Variants in MCU observed in about 807,000 individuals in gnomAD.
MCU encodes calcium uniporter protein, mitochondrial.
In MCU, 12 loss-of-function variants were observed where a neutral mutation model predicts 45.2. The observed-to-expected ratio is 0.27, with a 90% CI of 0.17 to 0.43. MCU has a LOEUF of 0.43. MCU is among the 20% of genes least tolerant of loss of function. The probability of loss-of-function intolerance (pLI) is 1.00; values close to 1 mark genes in which losing one functional copy is unlikely to be tolerated. For missense variants in MCU, 324 were observed against 436.7 expected (o/e 0.74, Z 2.30); for synonymous variants, 160 against 165.1 (o/e 0.97, Z 0.24).
chr10:72,725,251 G>A (rs1030399358), intron 1 of MCU, among the ~76,000 whole-genome samples: 7 of 151,964 alleles, frequency 4.6e-5, no homozygotes, highest in Non-Finnish European at 8.8e-5. Flanking sequence ...TCAGCCTCCC[G>A]AGAAGCTGGG....
chr10:72,804,776 G>T (rs77802671), intron 1 of MCU, among the ~76,000 whole-genome samples: 1 of 152,094 alleles, frequency 6.6e-6, no homozygotes, highest in Non-Finnish European at 1.5e-5. Flanking sequence ...CCACGTCTTA[G>T]CCGATAAATT....
intron 2 of MCU, among the ~76,000 whole-genome samples, chr10:72,854,101 G>A (rs1222818659): frequency 6.6e-6 from 1 of 152,164 alleles, no homozygotes; most frequent in Admixed American, 6.5e-5. Context: ...CTGCACTCCA[G>A]CCTGGGTGAC....
intron 1 of MCU, among the ~76,000 whole-genome samples, chr10:72,729,273 T>C (rs1564540354): frequency 6.6e-6 from 1 of 152,168 alleles, no homozygotes. Context: ...GAGACCAGCC[T>C]GACCAACAGG....
chr10:72,870,242 A>C (rs944053524), intron 5 of MCU, among the ~76,000 whole-genome samples: 7 of 152,152 alleles, frequency 4.6e-5, no homozygotes, highest in Non-Finnish European at 1.0e-4. Context: ...TAGAATATTT[A>C]CTGTGTTTCA....
At chr10:72,840,686 C>T (rs1460421876) in intron 2 of MCU, among the ~76,000 whole-genome samples, 1 of 152,170 alleles carries the variant, frequency 6.6e-6, no homozygotes, top group Non-Finnish European at 1.5e-5. Flanking sequence ...TTATAGGGCA[C>T]ACAGAGCCTA....
chr10:72,765,947 G>A (rs1235180915), intron 1 of MCU, among the ~76,000 whole-genome samples: 1 of 151,984 alleles, frequency 6.6e-6, no homozygotes, highest in Non-Finnish European at 1.5e-5. Context: ...ACTCACTGCA[G>A]CCTTGACCTC....
Position 72,717,322 on chromosome 10 carries a change from C to T in MCU, c.150+25021C>T, listed in dbSNP as rs565940795. Among the ~76,000 whole-genome samples, 6 of 151,690 alleles carry T rather than the reference C, an allele frequency of 4.0e-5. No homozygotes were observed. The East Asian group carries it at 7.8e-4, about 20-fold the overall frequency. On this transcript the variant is annotated intron_variant, in intron 1 of 7. Transcript: ENST00000373053. ...TCGCGCAGGCTGGAGTGCAGTGGCA[C>T]GATCTCGGCTCACTGCAACCTCTAC...
chr10:72,861,642 C>G (rs7899754), intron 4 of MCU: 1 of 377,782 alleles, frequency 2.6e-6, no homozygotes, highest in Admixed American at 3.4e-5. Flanking sequence ...CCACTATGCC[C>G]AGCCGCCAGG....
chr10:72,786,021 A>G (rs1844066505), intron 1 of MCU, among the ~76,000 whole-genome samples: 1 of 152,244 alleles, frequency 6.6e-6, no homozygotes. Context: ...TAGGGACTGA[A>G]CAAGCACTGT....
At chr10:72,880,488 G>A (rs1042100350) in intron 6 of MCU, among the ~76,000 whole-genome samples, 12 of 147,928 alleles carry the variant, frequency 8.1e-5, no homozygotes, top group Admixed American at 8.0e-4. Context: ...CGGGGGGGGG[G>A]AAACCCTAGA....
chr10:72,876,804 A>T (rs1845621474), intron 6 of MCU, among the ~76,000 whole-genome samples: 1 of 151,830 alleles, frequency 6.6e-6, no homozygotes, highest in Non-Finnish European at 1.5e-5. Context: ...CCTTCCTCCT[A>T]GTATCTTATT....
intron 1 of MCU, among the ~76,000 whole-genome samples, chr10:72,787,254 A>G (rs1383257673): frequency 6.6e-6 from 1 of 152,116 alleles, no homozygotes; most frequent in Non-Finnish European, 1.5e-5. Flanking sequence ...TGGTTATACA[A>G]GTTTCACTGA....
intron 1 of MCU, among the ~76,000 whole-genome samples, chr10:72,707,367 T>C (rs528011472): frequency 3.4e-4 from 51 of 151,720 alleles, no homozygotes; most frequent in African/African-American, 1.2e-3. Context: ...CCTGGCTAAT[T>C]TTTGCATTTT....
chr10:72,718,440 G>C (rs1842980012), intron 1 of MCU, among the ~76,000 whole-genome samples: 1 of 152,204 alleles, frequency 6.6e-6, no homozygotes, highest in South Asian at 2.1e-4. Flanking sequence ...CTTTGGGAAT[G>C]ATGTGGATCA....
At chr10:72,776,051 CCA>C (rs1564553202) in intron 1 of MCU, among the ~76,000 whole-genome samples, 1 of 151,764 alleles carries the variant, frequency 6.6e-6, no homozygotes, top group Non-Finnish European at 1.5e-5. Flanking sequence ...GCCTGTAGCC[CCA>C]GTTATGTGGG....
chr10:72,759,386 A>C (rs1310877868), intron 1 of MCU, among the ~76,000 whole-genome samples: 1 of 152,184 alleles, frequency 6.6e-6, no homozygotes, highest in Non-Finnish European at 1.5e-5. Context: ...TATAGATAAC[A>C]TAACCGATTA....
chr10:72,753,420 C>G (rs1843529869), intron 1 of MCU, among the ~76,000 whole-genome samples: 1 of 152,176 alleles, frequency 6.6e-6, no homozygotes, highest in South Asian at 2.1e-4. Context: ...TATCAAATTT[C>G]ATTCAACATT....
chr10:72,798,179 CTG>C (rs777267028), intron 1 of MCU, among the ~76,000 whole-genome samples: 7 of 152,120 alleles, frequency 4.6e-5, no homozygotes, highest in African/African-American at 7.2e-5. Context: ...GAAAATAAAA[CTG>C]TACATAACAC....
At chr10:72,787,749 C>T (rs1353649620) in intron 1 of MCU, among the ~76,000 whole-genome samples, 1 of 151,548 alleles carries the variant, frequency 6.6e-6, no homozygotes, top group Non-Finnish European at 1.5e-5. Flanking sequence ...GACAGACTCT[C>T]GCTCTGTTGC....
Sources: allele counts gnomAD v4.1 joint callset (sites outside exome capture counted in the v4.1 genomes callset), GRCh38; gene constraint gnomAD v4.1.1; transcripts MANE v1.5; gene names NCBI Gene and HGNC (gene_info 2026-07-23, HGNC 2026-07-21).